Variants in CRYBG3 observed in about 807,000 individuals in gnomAD.
The protein encoded by CRYBG3 is crystallin beta-gamma domain containing 3.
In CRYBG3, 127 loss-of-function variants were observed where a neutral mutation model predicts 244.2. The observed-to-expected ratio is 0.52, with a 90% CI of 0.45 to 0.60. The LOEUF (loss-of-function observed/expected upper bound fraction) is 0.60. Among genes scored for constraint, CRYBG3 ranks in the 20% least tolerant of loss-of-function variants. The pLI is 0.00. For synonymous variants in CRYBG3, 1,132 were observed against 1,195.8 expected, an observed-to-expected ratio of 0.95 and a Z score of 1.10; for missense variants, 3,325 against 3,442.5, an observed-to-expected ratio of 0.97 and a Z score of 0.85.
intron 2 of CRYBG3, among the ~76,000 whole-genome samples, chr3:97,849,043 T>G (rs774532561): frequency 5.3e-5 from 8 of 152,240 alleles, no homozygotes; most frequent in Non-Finnish European, 1.2e-4. Context: ...TGCCTGGACT[T>G]AAATCCTAGA....
In CRYBG3 at chr3:97,873,777, G is replaced by A. The variant is rs747031238; in HGVS notation, c.2583G>A (p.Leu861=). 4.4e-5 allele frequency: 68 copies of A among 1,533,770 alleles called. No homozygotes were observed. The highest frequency in any genetic ancestry group is 5.7e-5 in the Non-Finnish European group (65 of 1,146,364). The change falls in exon 4 of 22, where the codon TTG becomes TTA. Residue 861 remains leucine, a synonymous_variant. Transcript: ENST00000389622. ...AGGATAAAATGTCTTCTTTTCCATT[G>A]AAAATTACCCATGTTCCAGAAAAGC... ...ISQDKMSSFP[L]KITHVPEKPI...
chr3:97,850,008 G>C (rs991808623), intron 2 of CRYBG3, among the ~76,000 whole-genome samples: 3 of 151,908 alleles, frequency 2.0e-5, no homozygotes, highest in African/African-American at 7.3e-5. Flanking sequence ...AGCATATATC[G>C]TGAGCTTCAG....
intron 2 of CRYBG3, among the ~76,000 whole-genome samples, chr3:97,857,231 A>T (rs1176867354): frequency 3.3e-5 from 5 of 152,092 alleles, no homozygotes; most frequent in Admixed American, 3.3e-4. Context: ...TGGTCAAAAA[A>T]ATACTTCGTA....
At chr3:97,918,928 T>A (rs1416985921) in intron 17 of CRYBG3, among the ~76,000 whole-genome samples, 2 of 152,126 alleles carry the variant, frequency 1.3e-5, no homozygotes, top group Non-Finnish European at 2.9e-5. Context: ...ACATTCTGTT[T>A]CCAAAAGCAA....
chr3:97,873,237 G>A lies in CRYBG3; in HGVS notation c.2043G>A (p.Val681=), dbSNP rs1559727300. ...ATTTAATGAATGAGGGTTCTCCTGT[G>A]CCCATTGAAACTGGGAATGTCAACA... ...IPDLMNEGSP[V]PIETGNVNIV... Residue 681 remains valine, a synonymous_variant, in exon 4 of 22, where the codon GTG becomes GTA. Transcript: ENST00000389622. 2.0e-6 allele frequency: 3 copies of A among 1,535,474 alleles called. No homozygotes were observed. Among genetic ancestry groups the A allele is most frequent in the Non-Finnish European group, 2.6e-6 (3 of 1,146,644 alleles).
At chr3:97,915,229 CT>C (rs1369662377) in intron 16 of CRYBG3, among the ~76,000 whole-genome samples, 1 of 152,142 alleles carries the variant, frequency 6.6e-6, no homozygotes, top group Non-Finnish European at 1.5e-5. Context: ...AAAAGAATGT[CT>C]TTAGCTTAAA....
At position 97,886,696 on chromosome 3, in the gene CRYBG3, A is replaced by G; in HGVS notation, c.7218A>G (p.Ile2406Met). ...QSDPACCPVYIQRAVPNLEEL... is the reference protein window; with the variant it reads ...QSDPACCPVYMQRAVPNLEEL... ...ACCCAGCCTGTTGTCCTGTCTACAT[A>G]CAGAGAGCAGTCCCCAATTTGGAAG... The change falls in exon 8 of 22, where the codon ATA becomes ATG. Residue 2406 changes from isoleucine to methionine, a missense_variant. Physicochemically the swap from Ile to Met is conservative, Grantham distance 10 (BLOSUM62 1). Around this residue, in one of 4 missense-constraint regions of CRYBG3, gnomAD observed 714 missense variants for 803.6 expected, o/e 0.89. Transcript: ENST00000389622. 1.2e-6 allele frequency: 2 copies of G among 1,612,948 alleles called. No homozygotes were observed. Among genetic ancestry groups the G allele is most frequent in the South Asian group, 2.2e-5 (2 of 90,912 alleles).
chr3:97,848,291 T>C (rs2038931548), intron 2 of CRYBG3, among the ~76,000 whole-genome samples: 1 of 152,130 alleles, frequency 6.6e-6, no homozygotes, highest in Non-Finnish European at 1.5e-5. Context: ...GCTTGCTATC[T>C]TTGTTTGTTT....
At chr3:97,923,585 TA>T (rs1424566109) in intron 17 of CRYBG3, among the ~76,000 whole-genome samples, 1 of 151,494 alleles carries the variant, frequency 6.6e-6, no homozygotes, top group Admixed American at 6.6e-5. Flanking sequence ...AAAAAAAATC[TA>T]AAAAATAAAA....
At chr3:97,833,369 A>T (rs1336802964) in intron 1 of CRYBG3, among the ~76,000 whole-genome samples, 3 of 152,210 alleles carry the variant, frequency 2.0e-5, no homozygotes, top group Non-Finnish European at 4.4e-5. Context: ...TACACCGTGG[A>T]ATACTATACA....
intron 20 of CRYBG3, 167 bp from the exon 21 acceptor site, chr3:97,942,117 G>C: frequency 2.2e-6 from 1 of 462,484 alleles, no homozygotes; most frequent in Non-Finnish European, 3.6e-6. Context: ...CAGCCGTAAA[G>C]AAGACATTAA....
chr3:97,887,936 G>T (rs894346242), intron 8 of CRYBG3, among the ~76,000 whole-genome samples: 1 of 152,102 alleles, frequency 6.6e-6, no homozygotes, highest in Non-Finnish European at 1.5e-5. Context: ...TGAAAACGTG[G>T]CTCAAAATGT....
chr3:97,841,661 C>T (rs900541991), intron 1 of CRYBG3, among the ~76,000 whole-genome samples: 6 of 152,062 alleles, frequency 3.9e-5, no homozygotes, highest in Admixed American at 1.3e-4. Context: ...TCCTCCTCTC[C>T]GGGCCTTCCA....
chr3:97,876,452 C>T lies in CRYBG3; in HGVS notation c.5258C>T (p.Thr1753Ile). The T allele has an allele frequency of 8.1e-7, 1 of 1,231,986 alleles. No homozygotes were observed. The highest frequency in any genetic ancestry group is 1.0e-6 in the Non-Finnish European group (1 of 987,942). The allele number at this position is 1,231,986 out of a possible 1,614,324, so 76.3% of individuals were successfully genotyped here. A position where few individuals can be genotyped will look rare whatever the true frequency, so the allele number is the denominator to read the frequency against. ...PKDTERDGGK[T>I]EVMPLALEVV... is the part of the protein sequence containing the mutation. ...GATACTGAAAGAGACGGTGGCAAAACTGAGGTGATGCCCCTTGCATTAGAG... is the reference window on the plus strand; with the variant it reads ...GATACTGAAAGAGACGGTGGCAAAATTGAGGTGATGCCCCTTGCATTAGAG... Residue 1753 changes from threonine (T) to isoleucine (I), a missense_variant, in exon 4 of 22, where the codon ACT becomes ATT. This residue lies in a region of CRYBG3 where 635 missense variants were observed against 771.7 expected (regional missense o/e 0.82). Transcript: ENST00000389622.
At chr3:97,899,471 C>A (rs2039679432) in intron 14 of CRYBG3, among the ~76,000 whole-genome samples, 1 of 152,038 alleles carries the variant, frequency 6.6e-6, no homozygotes, top group African/African-American at 2.4e-5. Context: ...TTGATCAGTT[C>A]ATTCACTTAA....
intron 19 of CRYBG3, among the ~76,000 whole-genome samples, chr3:97,940,187 T>G (rs2040211153): frequency 1.3e-5 from 2 of 152,010 alleles, no homozygotes; most frequent in Admixed American, 1.3e-4. Context: ...GCTGAAATAA[T>G]GGCTTCTGTT....
Position 97,877,130 on chromosome 3 carries a change from A to T in CRYBG3, c.5936A>T (p.Tyr1979Phe). Residue 1979 changes from tyrosine to phenylalanine, a missense_variant, in exon 4 of 22, where the codon TAT (tyrosine) becomes TTT (phenylalanine). By Grantham distance (22) the Tyr-to-Phe change is conservative (BLOSUM62 3). Coordinates refer to ENST00000389622, the MANE Select transcript of CRYBG3 (RefSeq NM_153605.4). Reference protein sequence around the residue: ...AIYDKRRETDYSDKGYNLAFV... With the variant: ...AIYDKRRETDFSDKGYNLAFV... ...TATGACAAGAGGAGAGAGACAGATT[A>T]TAGTGACAAAGGATATAATTTAGCT... The T allele has an allele frequency of 1.2e-6, 2 of 1,613,970 alleles. No homozygotes were observed. Among genetic ancestry groups the T allele is most frequent in the Admixed American group, 3.3e-5 (2 of 60,022 alleles).
intron 15 of CRYBG3, among the ~76,000 whole-genome samples, chr3:97,902,500 A>T (rs2039717557): frequency 6.6e-6 from 1 of 151,664 alleles, no homozygotes; most frequent in African/African-American, 2.4e-5. Flanking sequence ...CTTCTAAAAA[A>T]AAAAAGCGGG....
intron 1 of CRYBG3, among the ~76,000 whole-genome samples, chr3:97,840,421 G>C (rs1050418696): frequency 6.6e-6 from 1 of 152,084 alleles, no homozygotes; most frequent in Non-Finnish European, 1.5e-5. Flanking sequence ...ATGTAAGTGA[G>C]AATTTTAAGA....
Sources: allele counts gnomAD v4.1 joint callset (sites outside exome capture counted in the v4.1 genomes callset), GRCh38; gene constraint gnomAD v4.1.1; regional missense constraint gnomAD v4.1.1; transcripts MANE v1.5; gene names NCBI Gene and HGNC (gene_info 2026-07-23, HGNC 2026-07-21).